The following CLPB variants were observed in gnomAD, a reference collection of about 807,000 sequenced individuals.
CLPB encodes mitochondrial disaggregase.
Under a neutral mutation model 78.4 loss-of-function variants are expected in CLPB, and 40 were observed. The observed-to-expected ratio is 0.51, with a 90% CI of 0.40 to 0.66. CLPB has a LOEUF of 0.66. Ranked by LOEUF, CLPB falls within the 30% of genes least tolerant of loss-of-function variation. CLPB has a pLI of 0.00. For synonymous variants in CLPB, 333 were observed against 348.0 expected, an observed-to-expected ratio of 0.96 and a Z score of 0.48; for missense variants, 780 against 886.9, an observed-to-expected ratio of 0.88 and a Z score of 1.53.
At chr11:72,320,675 T>C (rs1950028078) in intron 6 of CLPB, among the ~76,000 whole-genome samples, 1 of 152,156 alleles carries the variant, frequency 6.6e-6, no homozygotes, top group Non-Finnish European at 1.5e-5. Flanking sequence ...GAGTTTGTGC[T>C]AAAAAACATA....
chr11:72,407,709 C>T (rs540505169), intron 2 of CLPB, among the ~76,000 whole-genome samples: 1 of 151,372 alleles, frequency 6.6e-6, no homozygotes, highest in East Asian at 2.0e-4. Flanking sequence ...TGCAGTGGCA[C>T]GATCTCGGCT....
At chr11:72,422,940 G>A (rs748372398) in intron 2 of CLPB, among the ~76,000 whole-genome samples, 2 of 152,172 alleles carry the variant, frequency 1.3e-5, no homozygotes, top group Non-Finnish European at 2.9e-5. Flanking sequence ...ATCCAGGGAC[G>A]AGAACCAAAC....
At chr11:72,382,312 A>T (rs1433150411) in intron 3 of CLPB, among the ~76,000 whole-genome samples, 1 of 151,598 alleles carries the variant, frequency 6.6e-6, no homozygotes, top group Non-Finnish European at 1.5e-5. Context: ...CAACCCCCAT[A>T]AACTCAGGCT....
intron 2 of CLPB, among the ~76,000 whole-genome samples, chr11:72,414,820 C>T (rs1050733034): frequency 6.6e-6 from 1 of 152,224 alleles, no homozygotes; most frequent in African/African-American, 2.4e-5. Flanking sequence ...AAAGAGCTCA[C>T]ATTTCTTGAG....
At chr11:72,412,957 C>G (rs1855919381) in intron 2 of CLPB, among the ~76,000 whole-genome samples, 1 of 152,052 alleles carries the variant, frequency 6.6e-6, no homozygotes, top group Admixed American at 6.6e-5. Context: ...ACTTATAGAA[C>G]AGTTACAAAA....
intron 3 of CLPB, among the ~76,000 whole-genome samples, chr11:72,400,801 A>T (rs1053754192): frequency 1.3e-5 from 2 of 152,198 alleles, no homozygotes; most frequent in African/African-American, 4.8e-5. Context: ...TCTCCAAAGA[A>T]TATGGTGAGG....
intron 5 of CLPB, among the ~76,000 whole-genome samples, chr11:72,336,397 G>A (rs1950322858): frequency 6.6e-6 from 1 of 152,052 alleles, no homozygotes; most frequent in African/African-American, 2.4e-5. Flanking sequence ...CCTTCCCTCT[G>A]AGAGCACTGG....
At position 72,293,231 on chromosome 11, in the gene CLPB, G is replaced by C. The variant is rs1949481487; in HGVS notation, c.*136C>G. ...TTTGGGGCTGAGAAGGGGTCTTCAT[G>C]GGCTGTGAGGAGGTAAGCAGGCCTG... On this transcript the variant is annotated 3_prime_UTR_variant, in exon 16 of 16. Coordinates refer to ENST00000538039, the MANE Select transcript of CLPB (RefSeq NM_001258392.3). The C allele has an allele frequency of 9.0e-7, 1 of 1,105,210 alleles. No individual in the cohort carries two copies. The allele number at this position is 1,105,210 out of a possible 1,614,324, so 68.5% of individuals were successfully genotyped here. A position where few individuals can be genotyped will look rare whatever the true frequency, so the allele number is the denominator to read the frequency against.
intron 5 of CLPB, among the ~76,000 whole-genome samples, chr11:72,357,848 G>A (rs1950749902): frequency 6.6e-6 from 1 of 152,054 alleles, no homozygotes; most frequent in African/African-American, 2.4e-5. Flanking sequence ...GTGGCCCAGA[G>A]ACCTTTGAGG....
chr11:72,297,702 T>TGTGA (rs1464583884), intron 11 of CLPB, among the ~76,000 whole-genome samples: 1,701 of 129,734 alleles, frequency 0.013, 131 homozygotes, highest in Middle Eastern at 0.024. Flanking sequence ...TGTGTGTGTG[T>TGTGA]GACATGTCCA....
At chr11:72,427,860 T>C (rs532436139) in intron 2 of CLPB, among the ~76,000 whole-genome samples, 1 of 152,200 alleles carries the variant, frequency 6.6e-6, no homozygotes, top group African/African-American at 2.4e-5. Context: ...GATTCTGTCC[T>C]GCTATAGGCA....
intron 4 of CLPB, among the ~76,000 whole-genome samples, chr11:72,366,602 G>A (rs1271936610): frequency 1.3e-5 from 2 of 152,006 alleles, no homozygotes; most frequent in Non-Finnish European, 2.9e-5. Flanking sequence ...CCAAAGACAA[G>A]GACATTTCTC....
intron 3 of CLPB, among the ~76,000 whole-genome samples, chr11:72,399,498 T>C (rs1855502609): frequency 6.6e-6 from 1 of 152,184 alleles, no homozygotes; most frequent in South Asian, 2.1e-4. Context: ...GTGCATATTT[T>C]TAAAGTGTAG....
rs185413260 is a variant in CLPB, at chr11:72,305,668, C to T, written c.1122+1531G>A. On this transcript the variant is annotated intron_variant, in intron 9 of 15. Transcript: ENST00000538039. The stretch of plus-strand genomic sequence containing the variant: ...CCTCCGAGGGTGGTGGTGTTACTTC[C>T]TTCTGAGTGAGGCATGCACTGAAGG... Among the ~76,000 whole-genome samples, 12 of 152,332 alleles carry T rather than the reference C, an allele frequency of 7.9e-5. No homozygotes were observed. In the East Asian group the frequency reaches 2.3e-3, roughly 29 times the overall value.
At chr11:72,294,869 C>T (rs543188315) in intron 12 of CLPB, among the ~76,000 whole-genome samples, 176 bp from the exon 13 acceptor site, 23 of 152,298 alleles carry the variant, frequency 1.5e-4, no homozygotes, top group African/African-American at 3.4e-4. Context: ...CAGGCACTTT[C>T]GGAGGCCTTT....
rs1359840509 is a variant in CLPB at position 72,289,233 on chromosome 11, CCT to C, written c.*4132_*4133del. The C allele has an allele frequency of 2.6e-5, 4 of 152,188 alleles. No homozygotes were observed. The East Asian group carries it at 5.8e-4, about 22-fold the overall frequency. The allele number at this position is 152,188 out of a possible 1,614,324, so 9.4% of individuals were successfully genotyped here. On this transcript the variant is annotated 3_prime_UTR_variant, in exon 16 of 16. Coordinates refer to ENST00000538039, the MANE Select transcript of CLPB (RefSeq NM_001258392.3). ...GTTCCTTAGAATCTAAGGTTCTACC[CCT>C]GTCTCCTTATCCTATTCTCAGGAAG... is the stretch of plus-strand genomic sequence containing the variant.
chr11:72,367,736 C>T lies in CLPB; in HGVS notation c.647-8728G>A, dbSNP rs532082908. ...AATATACCCAGGTAACAAACCTGCA[C>T]ATGTAGCCCCTGAATCTAAAAGAAA... On this transcript the variant is annotated intron_variant, in intron 4 of 15. Transcript: ENST00000538039. 2.6e-5 allele frequency among the ~76,000 whole-genome samples: 4 copies of T among 151,722 alleles called. No individual in the cohort carries two copies. In the East Asian group the frequency reaches 7.7e-4, roughly 29 times the overall value.
In CLPB at chr11:72,285,555, G is replaced by A. The variant is rs2135473262; in HGVS notation, c.*7812C>T. ...TATATATTAAGAAATGTATATTTTA[G>A]TATTAAATCATCCTTTCTAAAACTT... On this transcript the variant is annotated 3_prime_UTR_variant, in exon 16 of 16. Transcript: ENST00000538039. The A allele has an allele frequency of 6.6e-6, 1 of 152,238 alleles. No homozygotes were observed. Among genetic ancestry groups the A allele is most frequent in the African/African-American group, 2.4e-5 (1 of 41,526 alleles). 9.4% of individuals were successfully genotyped at this position (152,238 alleles called of 1,614,324 possible).
chr11:72,425,449 G>T (rs1856346949), intron 2 of CLPB, among the ~76,000 whole-genome samples: 1 of 152,174 alleles, frequency 6.6e-6, no homozygotes, highest in African/African-American at 2.4e-5. Flanking sequence ...TTAGTTGGAA[G>T]GTAGGTAATT....
Sources: gnomAD v4.1 joint callset for allele counts (sites outside exome capture counted in the v4.1 genomes callset) on GRCh38, gnomAD v4.1.1 for gene constraint, MANE v1.5 for transcripts, NCBI Gene and HGNC (gene_info 2026-07-23, HGNC 2026-07-21) for gene names.